PTPRG: variants seen among roughly 807,000 people sequenced by gnomAD.
PTPRG encodes receptor-type tyrosine-protein phosphatase gamma.
A neutral mutation model predicts 165.3 loss-of-function variants in PTPRG; 102 were observed. The observed-to-expected ratio is 0.62, with a 90% confidence interval of 0.53 to 0.73. PTPRG has a LOEUF of 0.73. PTPRG is among the 30% of genes least tolerant of loss of function. The pLI, the probability that PTPRG is intolerant of heterozygous loss-of-function variation, is 0.00. For missense variants in PTPRG, 1,866 were observed against 1,861.4 expected (o/e 1.00, Z -0.05); for synonymous variants, 675 against 669.5 (o/e 1.01, Z -0.13).
At chr3:61,737,126 C>G (rs1365174228) in intron 1 of PTPRG, among the ~76,000 whole-genome samples, 1 of 152,112 alleles carries the variant, frequency 6.6e-6, no homozygotes, top group African/African-American at 2.4e-5. Flanking sequence ...ATCATCTCTC[C>G]CTGTCAATGC....
intron 8 of PTPRG, among the ~76,000 whole-genome samples, chr3:62,185,406 C>T (rs1157870113): frequency 6.6e-6 from 1 of 152,128 alleles, no homozygotes; most frequent in Non-Finnish European, 1.5e-5. Context: ...TTGTTAGGTG[C>T]AGTTTACAAG....
At chr3:62,019,567 G>T (rs2041636206) in intron 4 of PTPRG, among the ~76,000 whole-genome samples, 1 of 150,520 alleles carries the variant, frequency 6.6e-6, no homozygotes, top group Non-Finnish European at 1.5e-5. Flanking sequence ...AAGCTCAGGA[G>T]ATCTGTTGTA....
chr3:61,925,830 T>C (rs959395312), intron 2 of PTPRG: 2 of 468,388 alleles, frequency 4.3e-6, no homozygotes, highest in African/African-American at 2.0e-5. Flanking sequence ...AGGATTCTTA[T>C]AACTGGCTTG....
chr3:62,061,563 T>G (rs1700811483), intron 4 of PTPRG, among the ~76,000 whole-genome samples: 1 of 152,156 alleles, frequency 6.6e-6, no homozygotes. Flanking sequence ...TTAATAAAGT[T>G]ATTAACCCCT....
chr3:62,177,458 C>A (rs1189208940), intron 8 of PTPRG, among the ~76,000 whole-genome samples: 4 of 152,180 alleles, frequency 2.6e-5, no homozygotes, highest in Non-Finnish European at 5.9e-5. Flanking sequence ...CCAGGACAAC[C>A]TGTTATATGT....
In PTPRG at chr3:61,764,394, T is replaced by G. The variant is rs960898570; in HGVS notation, c.190+15412T>G. On this transcript the variant is annotated intron_variant, in intron 2 of 29. Transcript: ENST00000474889. The stretch of plus-strand genomic sequence containing the variant: ...CCAGGTGGCAAACTCAGTTCGAGAT[T>G]AGGGCTAACTACAACAGAGAACAAA... 1.7e-3 allele frequency among the ~76,000 whole-genome samples: 252 copies of G among 152,178 alleles called. 1 individual carries two copies. The highest frequency in any genetic ancestry group is 3.8e-4 in the Non-Finnish European group (26 of 68,032).
intron 6 of PTPRG, among the ~76,000 whole-genome samples, chr3:62,138,165 A>C (rs1703784854): frequency 6.6e-6 from 1 of 152,214 alleles, no homozygotes; most frequent in Admixed American, 6.5e-5. Flanking sequence ...TTTGGACTCA[A>C]ATAAGAAAAT....
intron 2 of PTPRG, among the ~76,000 whole-genome samples, chr3:61,751,214 G>A (rs778742411): frequency 5.3e-5 from 8 of 152,192 alleles, no homozygotes; most frequent in Non-Finnish European, 1.2e-4. Flanking sequence ...TTTGGCCAAT[G>A]TGTAAACAAG....
intron 3 of PTPRG, among the ~76,000 whole-genome samples, chr3:61,999,899 T>A (rs1419926637): frequency 6.6e-6 from 1 of 152,250 alleles, no homozygotes; most frequent in Non-Finnish European, 1.5e-5. Context: ...ACTATGATTT[T>A]CTTTTCTTTG....
At chr3:61,665,798 A>C (rs114484603) in intron 1 of PTPRG, among the ~76,000 whole-genome samples, 8 of 152,164 alleles carry the variant, frequency 5.3e-5, no homozygotes, top group African/African-American at 1.9e-4. Context: ...ACTGTACTCC[A>C]GTCTGGGCAA....
rs552131107 is a variant in PTPRG, at chr3:61,611,725, A to G, written c.85+49353A>G. ...GGACATACTCACTGCGTTGTAGTGC[A>G]GAAGTAGCCACAGACAGTACATCAA... On this transcript the variant is annotated intron_variant, in intron 1 of 29. Coordinates refer to ENST00000474889, the MANE Select transcript of PTPRG (RefSeq NM_002841.4). Among the ~76,000 whole-genome samples, 8 of 152,348 alleles carry G rather than the reference A, an allele frequency of 5.3e-5. No homozygotes were observed. The East Asian group carries it at 1.5e-3, about 29-fold the overall frequency.
chr3:61,774,898 C>T (rs1170291064), intron 2 of PTPRG, among the ~76,000 whole-genome samples: 6 of 152,138 alleles, frequency 3.9e-5, no homozygotes, highest in African/African-American at 1.2e-4. Flanking sequence ...TTGACCTTTT[C>T]CCAAAGTGGA....
chr3:62,110,356 T>C (rs192205326), intron 5 of PTPRG, among the ~76,000 whole-genome samples: 18 of 152,266 alleles, frequency 1.2e-4, no homozygotes, highest in African/African-American at 2.2e-4. Context: ...TGCTCAATAA[T>C]TGATTTTAGT....
In PTPRG at chr3:61,730,890, G is replaced by A. The variant is rs114303098; in HGVS notation, c.86-17988G>A. On this transcript the variant is annotated intron_variant, in intron 1 of 29. Coordinates refer to ENST00000474889, the MANE Select transcript of PTPRG (RefSeq NM_002841.4). The stretch of plus-strand genomic sequence containing the variant: ...TGTGGCCATTGAAAGATTGGGAACT[G>A]GATTTCTAGGTTACAACATTGATTC... 8.0e-3 allele frequency among the ~76,000 whole-genome samples: 1,212 copies of A among 152,306 alleles called. 23 individuals are homozygous for A. Among genetic ancestry groups the A allele is most frequent in the African/African-American group, 0.027 (1,131 of 41,556 alleles).
chr3:62,192,297 T>C (rs1407044203), intron 9 of PTPRG, among the ~76,000 whole-genome samples: 1 of 151,522 alleles, frequency 6.6e-6, no homozygotes, highest in Non-Finnish European at 1.5e-5. Flanking sequence ...TCTAAAAATT[T>C]ACATAAATGT....
intron 5 of PTPRG, among the ~76,000 whole-genome samples, chr3:62,130,100 G>A (rs1380632635): frequency 6.6e-6 from 1 of 152,172 alleles, no homozygotes; most frequent in Non-Finnish European, 1.5e-5. Context: ...TGGCTGGTCA[G>A]TTGTGGGTAT....
intron 12 of PTPRG, among the ~76,000 whole-genome samples, chr3:62,209,566 T>C (rs1700309341): frequency 6.6e-6 from 1 of 152,210 alleles, no homozygotes; most frequent in African/African-American, 2.4e-5. Flanking sequence ...TTGTAAGGAC[T>C]ATCAGAAGTA....
At chr3:61,765,825 T>C (rs1047798798) in intron 2 of PTPRG, among the ~76,000 whole-genome samples, 11 of 152,172 alleles carry the variant, frequency 7.2e-5, no homozygotes, top group African/African-American at 1.9e-4. Flanking sequence ...TATAAATGCA[T>C]GTATATTTAT....
chr3:61,730,758 C>T (rs1348431136), intron 1 of PTPRG, among the ~76,000 whole-genome samples: 1 of 152,116 alleles, frequency 6.6e-6, no homozygotes, highest in Non-Finnish European at 1.5e-5. Context: ...TCCAGGAGTG[C>T]CTAGACTTCT....
Sources: gnomAD v4.1 joint callset for allele counts (sites outside exome capture counted in the v4.1 genomes callset) on GRCh38, gnomAD v4.1.1 for gene constraint, MANE v1.5 for transcripts, NCBI Gene and HGNC (gene_info 2026-07-23, HGNC 2026-07-21) for gene names.